TTC21A: variants seen among roughly 807,000 people sequenced by gnomAD.
The protein encoded by TTC21A is tetratricopeptide repeat domain 21A.
Under a neutral mutation model 156.4 loss-of-function variants are expected in TTC21A, and 128 were observed. The ratio of observed to expected loss-of-function variants is 0.82; its 90% CI spans 0.71 to 0.95. The LOEUF is 0.95. Ranked by LOEUF, TTC21A falls within the 40% of genes least tolerant of loss-of-function variation. TTC21A has a pLI of 0.00. For missense variants in TTC21A, 1,435 were observed against 1,602.3 expected (o/e 0.90, Z 1.78); for synonymous variants, 587 against 617.1 (o/e 0.95, Z 0.72).
chr3:39,135,371 C>G (rs577256429), intron 22 of TTC21A, among the ~76,000 whole-genome samples, 197 bp downstream of exon 22: 14 of 152,232 alleles, frequency 9.2e-5, no homozygotes, highest in Non-Finnish European at 7.3e-5. Context: ...GGGCCAGTTC[C>G]TGGTCTCAAG....
chr3:39,109,296 G>T, intron 2 of TTC21A, 82 bp downstream of exon 2: 1 of 1,481,466 alleles, frequency 6.8e-7, no homozygotes, highest in Non-Finnish European at 9.3e-7. Flanking sequence ...ATGCCTTCTT[G>T]TATCCTAGTT....
chr3:39,110,367 G>A, intron 3 of TTC21A: 2 of 598,622 alleles, frequency 3.3e-6, no homozygotes, highest in Non-Finnish European at 6.0e-6. Flanking sequence ...CCATGACAGT[G>A]GGAGGGGCCC....
intron 9 of TTC21A, among the ~76,000 whole-genome samples, chr3:39,122,188 G>A (rs2037823385): frequency 6.6e-6 from 1 of 152,064 alleles, no homozygotes; most frequent in Non-Finnish European, 1.5e-5. Flanking sequence ...GAGGACACCT[G>A]TAATCCCAGC....
rs1428529805 is a variant in TTC21A, at chr3:39,114,464, A to G, written c.559-121A>G. On this transcript the variant is annotated intron_variant, in intron 5 of 28. Coordinates refer to ENST00000683103, the MANE Select transcript of TTC21A (RefSeq NM_001366900.1). The stretch of plus-strand genomic sequence containing the variant: ...GCTACTGGCCCAGCTGAGAGGACCC[A>G]CGGTGCCCATGTGTCAGGTTCTGTT... The G allele has an allele frequency of 2.6e-5, 25 of 945,444 alleles. No homozygotes were observed. In the East Asian group the frequency reaches 6.0e-4, roughly 23 times the overall value. The allele number at this position is 945,444 out of a possible 1,614,324, so 58.6% of individuals were successfully genotyped here. A position where few individuals can be genotyped will look rare whatever the true frequency, so the allele number is the denominator to read the frequency against.
chr3:39,110,293 C>T, intron 3 of TTC21A, 154 bp downstream of exon 3: 4 of 698,718 alleles, frequency 5.7e-6, no homozygotes, highest in Non-Finnish European at 1.0e-5. Context: ...TGCTGCTCCT[C>T]TCCCCCTGGA....
chr3:39,120,339 A>G (rs1409413754), intron 8 of TTC21A, among the ~76,000 whole-genome samples: 1 of 152,168 alleles, frequency 6.6e-6, no homozygotes, highest in Non-Finnish European at 1.5e-5. Context: ...TATGCAGCAG[A>G]GCCACACCCA....
Position 39,137,536 on chromosome 3 carries a change from G to C in TTC21A, c.3501G>C (p.Leu1167=). 1 of 1,614,256 alleles carries C rather than the reference G, an allele frequency of 6.2e-7. No homozygotes were observed. Among genetic ancestry groups the C allele is most frequent in the Non-Finnish European group, 8.5e-7 (1 of 1,180,044 alleles). Residue 1167 remains leucine, a synonymous_variant, in exon 26 of 29, where the codon CTG becomes CTC. Transcript: ENST00000683103. ...CCTTGGCACAAGCCTACGTGTTCCT[G>C]AAGCAGATCCCCAAGGCGCGTATGC... The part of the protein sequence containing the change: ...LLALAQAYVF[L]KQIPKARMQL...
chr3:39,114,199 T>C (rs757120078), intron 5 of TTC21A, among the ~76,000 whole-genome samples: 7 of 152,172 alleles, frequency 4.6e-5, no homozygotes, highest in Non-Finnish European at 1.0e-4. Flanking sequence ...GCAATTTCAG[T>C]GAGGAAATAT....
At chr3:39,120,472 AC>A in intron 8 of TTC21A, among the ~76,000 whole-genome samples, 1 of 152,228 alleles carries the variant, frequency 6.6e-6, no homozygotes, top group Non-Finnish European at 1.5e-5. Flanking sequence ...CAGGTTGCCA[AC>A]AAATCTGTAT....
intron 26 of TTC21A, 149 bp downstream of exon 26, chr3:39,137,859 AC>A: frequency 1.2e-6 from 1 of 821,776 alleles, no homozygotes; most frequent in Non-Finnish European, 1.9e-6. Context: ...TGGGCGACAG[AC>A]CAGAATAGGA....
chr3:39,110,858 A>G lies in TTC21A; in HGVS notation c.276A>G (p.Glu92=). Residue 92 remains glutamate (E), a synonymous_variant, in exon 4 of 29, where the codon GAA becomes GAG. Coordinates refer to ENST00000683103, the MANE Select transcript of TTC21A (RefSeq NM_001366900.1). ...AHKRCEIIDR[E]AIQELEYSLK... ...TCGCTCTTGGATTTACAGACCGAGA[A>G]GCAATTCAGGAGCTTGAGTACAGCC... The G allele has an allele frequency of 6.2e-7, 1 of 1,613,920 alleles. No individual in the cohort carries two copies. The highest frequency in any genetic ancestry group is 8.5e-7 in the Non-Finnish European group (1 of 1,180,008).
chr3:39,110,103 GC>G lies in TTC21A; in HGVS notation c.235del (p.Leu79SerfsTer23), dbSNP rs1424467830. ...AGACGTGTCCCTGTGCTCCACCATG[GC>G]CCTCATTTATGCTCACAAAAGATGT... Reference protein sequence around the residue: ...HPDVSLCSTMALIYAHKRCEI... With the variant: ...HPDVSLCSTMXLIYAHKRCEI... On this transcript the variant is annotated frameshift_variant, in exon 3 of 29. Transcript: ENST00000683103. LOFTEE classifies it high-confidence loss of function. The G allele has an allele frequency of 1.2e-6, 2 of 1,613,966 alleles. No individual in the cohort carries two copies. Among genetic ancestry groups the G allele is most frequent in the Non-Finnish European group, 1.7e-6 (2 of 1,180,014 alleles).
rs1575511457 is a variant in TTC21A, at chr3:39,118,013, A to G, written c.717-56A>G. 14 of 1,308,812 alleles carry G rather than the reference A, an allele frequency of 1.1e-5. No homozygotes were observed. The South Asian group carries it at 1.3e-4, about 12-fold the overall frequency. The allele number at this position is 1,308,812 out of a possible 1,614,324, so 81.1% of individuals were successfully genotyped here. ...GACAATCAGAAGTCGCCAACACACC[A>G]TCCCAGCTTTGCCTATCAATACTCT... On this transcript the variant is annotated intron_variant, in intron 6 of 28. Coordinates refer to ENST00000683103, the MANE Select transcript of TTC21A (RefSeq NM_001366900.1).
At position 39,110,774 on chromosome 3, in the gene TTC21A, G is replaced by A. The variant is rs548011040; in HGVS notation, c.269-77G>A. 8 of 1,539,984 alleles carry A rather than the reference G, an allele frequency of 5.2e-6. No homozygotes were observed. The African/African-American group carries it at 8.3e-5, about 16-fold the overall frequency. ...GGGAGACCCCGAGGTAGTTCCCTGG[G>A]CCCTCGGTGGCCCATGCAGAACCAG... is the stretch of plus-strand genomic sequence containing the variant. On this transcript the variant is annotated intron_variant, in intron 3 of 28. Transcript: ENST00000683103.
chr3:39,122,165 G>A (rs1006679261), intron 9 of TTC21A, among the ~76,000 whole-genome samples: 2 of 152,054 alleles, frequency 1.3e-5, no homozygotes, highest in African/African-American at 4.8e-5. Context: ...ACAAAAATTA[G>A]CCAGGTGTGG....
At chr3:39,111,301 C>T (rs2036810371) in intron 4 of TTC21A, among the ~76,000 whole-genome samples, 1 of 152,208 alleles carries the variant, frequency 6.6e-6, no homozygotes, top group Admixed American at 6.5e-5. Flanking sequence ...CAGCCTCAAC[C>T]TCCTAGGCAC....
chr3:39,110,336 C>T (rs970185129), intron 3 of TTC21A, 197 bp downstream of exon 3: 4 of 642,580 alleles, frequency 6.2e-6, no homozygotes, highest in Non-Finnish European at 1.1e-5. Flanking sequence ...CTGGGCCCAA[C>T]TGAGTGGAAG....
In TTC21A at chr3:39,138,247, C is replaced by T; in HGVS notation, c.3676-20C>T. 1.2e-6 allele frequency: 2 copies of T among 1,613,854 alleles called. No individual in the cohort carries two copies. The highest frequency in any genetic ancestry group is 1.7e-6 in the Non-Finnish European group (2 of 1,179,822). ...TTGGGGCTTCCGCTCTGCAGAGGCT[C>T]TAACTGGCTTTCCCTGCAGTCCTGC... On this transcript the variant is annotated intron_variant, in intron 26 of 28. Transcript: ENST00000683103.
At chr3:39,111,052 AAGCAGCATCCAAACACATAAT>A in intron 4 of TTC21A, 35 bp downstream of exon 4, 1 of 1,574,682 alleles carries the variant, frequency 6.4e-7, no homozygotes. Flanking sequence ...CAGGCGAAGA[AAGCAGCATCCAAACACATAAT>A]AGCAGGGTGG....
Sources: allele counts gnomAD v4.1 joint callset (sites outside exome capture counted in the v4.1 genomes callset), GRCh38; gene constraint gnomAD v4.1.1; transcripts MANE v1.5; gene names NCBI Gene and HGNC (gene_info 2026-07-23, HGNC 2026-07-21).